PGM3: variants seen among roughly 807,000 people sequenced by gnomAD.
PGM3 encodes the protein phosphoglucomutase 3, also known as phosphoacetylglucosamine mutase.
A neutral mutation model predicts 66.2 loss-of-function variants in PGM3; 40 were observed. That is an observed-to-expected ratio of 0.60 (90% confidence interval 0.47 to 0.79). The LOEUF is 0.79. PGM3 is among the 30% of genes least tolerant of loss of function. PGM3 has a pLI of 0.00. For missense variants in PGM3, 537 were observed against 643.4 expected (o/e 0.83, Z 1.79); for synonymous variants, 191 against 224.2 (o/e 0.85, Z 1.32).
Position 83,169,115 on chromosome 6 carries a change from A to C in PGM3, c.*119T>G. ...GTTTAAGAAAAACAGATCTAGAGAC[A>C]ATCCAGTAGGCTGCATTGTAAACAT... is the stretch of plus-strand genomic sequence containing the variant. On this transcript the variant is annotated 3_prime_UTR_variant, in exon 13 of 13. Transcript: ENST00000513973. 6.7e-6 allele frequency: 10 copies of C among 1,494,324 alleles called. No individual in the cohort carries two copies. The South Asian group carries it at 1.3e-4, about 20-fold the overall frequency. The allele number at this position is 1,494,324 out of a possible 1,614,324, so 92.6% of individuals were successfully genotyped here.
At chr6:83,185,286 C>A (rs1020667438) in intron 4 of PGM3, among the ~76,000 whole-genome samples, 4 of 152,226 alleles carry the variant, frequency 2.6e-5, no homozygotes, top group African/African-American at 9.6e-5. Flanking sequence ...CAGATGACTG[C>A]ATGTCATGTA....
At chr6:83,169,827 C>T (rs1025106897) in intron 12 of PGM3, 1 of 457,214 alleles carries the variant, frequency 2.2e-6, no homozygotes, top group Admixed American at 2.4e-5. Flanking sequence ...AAATCCAGAC[C>T]ACAAGTCTTG....
At chr6:83,188,405 G>A in intron 3 of PGM3, 2 of 468,746 alleles carry the variant, frequency 4.3e-6, no homozygotes, top group Non-Finnish European at 7.6e-6. Flanking sequence ...GGGTTTTGGA[G>A]TAGGGTTTTA....
the PGM3 span, chr6:83,152,095 C>T: frequency 5.9e-5 from 93 of 1,580,172 alleles, no homozygotes; most frequent in South Asian, 9.7e-4. Flanking sequence ...AATCATTTTG[C>T]CTAGCACTAT....
intron 3 of PGM3, 193 bp downstream of exon 3, chr6:83,188,419 CAG>C (rs1443487843): frequency 2.0e-6 from 1 of 504,888 alleles, no homozygotes; most frequent in Non-Finnish European, 3.5e-6. Flanking sequence ...GGTTTTAAAC[CAG>C]AGTCAGACTC....
At chr6:83,151,498 C>T in the PGM3 span, 1 of 857,686 alleles carries the variant, frequency 1.2e-6, no homozygotes, top group South Asian at 2.0e-5. Context: ...GAAATCAAGA[C>T]CATTAAGCCG....
chr6:83,179,917 C>A lies in PGM3; in HGVS notation c.838G>T (p.Asp280Tyr), dbSNP rs1788053229. 6.2e-7 allele frequency: 1 copy of A among 1,612,052 alleles called. No individual in the cohort carries two copies. Among genetic ancestry groups the A allele is most frequent in the East Asian group, 2.2e-5 (1 of 44,800 alleles). Reference protein sequence around the residue: ...ERCCSFDGDADRIVYYYHDAD... With the variant: ...ERCCSFDGDAYRIVYYYHDAD... ...TCATGGTAGTAATAAACAATTCTGT[C>A]TGCATCTCCATCAAAAGAACAGCAT... Residue 280 changes from aspartate to tyrosine, a missense_variant, in exon 7 of 13, where the codon GAC becomes TAC. Asp to Tyr is a radical substitution (Grantham distance 160, BLOSUM62 -3). Transcript: ENST00000513973.
At chr6:83,187,174 A>G (rs942007692) in intron 3 of PGM3, 99 bp from the exon 4 acceptor site, 5 of 712,264 alleles carry the variant, frequency 7.0e-6, no homozygotes, top group Non-Finnish European at 1.2e-5. Context: ...ACAAATTTCA[A>G]AATAGTAAGT....
At position 83,168,988 on chromosome 6, in the gene PGM3, A is replaced by G. The variant is rs566486855; in HGVS notation, c.*246T>C. ...ACTGTACAGTTAGTGACTGAATTGT[A>G]TACTTAAGTCCCAGTATTTTACATT... is the stretch of plus-strand genomic sequence containing the variant. On this transcript the variant is annotated 3_prime_UTR_variant, in exon 13 of 13. Transcript: ENST00000513973. 2 of 1,278,064 alleles carry G rather than the reference A, an allele frequency of 1.6e-6. No individual in the cohort carries two copies. The highest frequency in any genetic ancestry group is 2.1e-5 in the South Asian group (1 of 47,630). 79.2% of individuals were successfully genotyped at this position (1,278,064 alleles called of 1,614,324 possible).
downstream of PGM3, among the ~76,000 whole-genome samples, chr6:83,159,580 T>A (rs544059976): frequency 2.4e-4 from 36 of 152,292 alleles, no homozygotes; most frequent in Admixed American, 1.9e-3. Context: ...CAGAAGCCAC[T>A]GCGCCCAGTC....
At chr6:83,185,121 G>A (rs1173758289) in intron 4 of PGM3, among the ~76,000 whole-genome samples, 1 of 152,196 alleles carries the variant, frequency 6.6e-6, no homozygotes, top group Non-Finnish European at 1.5e-5. Context: ...ATGACAGAAA[G>A]AATACAGTTT....
rs753389438 is a variant in PGM3 at position 83,190,834 on chromosome 6, A to G, written c.179T>C (p.Met60Thr). The G allele has an allele frequency of 1.2e-6, 2 of 1,613,974 alleles. No homozygotes were observed. Among genetic ancestry groups the G allele is most frequent in the Admixed American group, 1.7e-5 (1 of 60,016 alleles). ...CTCAGGATTGTGGGACGCTGTTACC[A>G]TGACTCCTATAGTGGATTTTGTCTG... ...SKQTKSTIGV[M>T]VTASHNPEED... Residue 60 changes from methionine to threonine, a missense_variant, in exon 2 of 13, where the codon ATG (methionine) becomes ACG (threonine). Met to Thr is a moderately conservative substitution (Grantham distance 81, BLOSUM62 -1). Coordinates refer to ENST00000513973, the MANE Select transcript of PGM3 (RefSeq NM_015599.3).
chr6:83,175,368 G>T (rs970909975), intron 9 of PGM3, among the ~76,000 whole-genome samples: 4 of 152,052 alleles, frequency 2.6e-5, no homozygotes, highest in Non-Finnish European at 5.9e-5. Flanking sequence ...CCCTCCAAAA[G>T]CCAATTTTAA....
At chr6:83,186,478 C>T (rs1162813046) in intron 4 of PGM3, among the ~76,000 whole-genome samples, 1 of 152,162 alleles carries the variant, frequency 6.6e-6, no homozygotes, top group African/African-American at 2.4e-5. Context: ...AAAATATTCA[C>T]CTCAAAACAT....
chr6:83,183,400 CGGA>C (rs1254833261), intron 4 of PGM3, among the ~76,000 whole-genome samples: 3 of 152,152 alleles, frequency 2.0e-5, no homozygotes, highest in African/African-American at 7.2e-5. Context: ...TAAGCTAGTT[CGGA>C]AGCCAGTTTT....
At chr6:83,163,060 ATGTCC>A (rs1784607656), downstream of PGM3, 2 of 877,092 alleles carry the variant, frequency 2.3e-6, no homozygotes, top group South Asian at 4.4e-5. Context: ...TTGAGAGTTA[ATGTCC>A]ATAAGCCTCA....
At chr6:83,152,680 T>C in the PGM3 span, among the ~76,000 whole-genome samples, 1 of 148,726 alleles carries the variant, frequency 6.7e-6, no homozygotes, top group African/African-American at 2.5e-5. Context: ...TCAAGTGGGG[T>C]GATCTCAGCT....
downstream of PGM3, chr6:83,162,865 A>G (rs775426705): frequency 3.7e-6 from 6 of 1,613,550 alleles, no homozygotes; most frequent in South Asian, 4.4e-5. Context: ...TACATCAACG[A>G]GAATTTAAAC....
intron 3 of PGM3, among the ~76,000 whole-genome samples, chr6:83,188,207 G>T (rs1788733962): frequency 6.6e-6 from 1 of 152,116 alleles, no homozygotes; most frequent in African/African-American, 2.4e-5. Context: ...GCTCCAGCAT[G>T]GGAAAATGAT....
Sources: gnomAD v4.1 joint callset for allele counts (sites outside exome capture counted in the v4.1 genomes callset) on GRCh38, gnomAD v4.1.1 for gene constraint, MANE v1.5 for transcripts, NCBI Gene and HGNC (gene_info 2026-07-23, HGNC 2026-07-21) for gene names.